The following NRG3 variants were observed in gnomAD, a reference collection of about 807,000 sequenced individuals.
The protein encoded by NRG3 is pro-neuregulin-3, membrane-bound isoform.
In NRG3, 31 loss-of-function variants were observed where a neutral mutation model predicts 66.9. That is an observed-to-expected ratio of 0.46 (90% CI 0.35 to 0.63). The LOEUF (loss-of-function observed/expected upper bound fraction) is 0.63. NRG3 is among the 20% of genes least tolerant of loss of function. The pLI is 0.00. For synonymous variants in NRG3, 393 were observed against 359.4 expected (o/e 1.09, Z -1.06); for missense variants, 910 against 878.9 (o/e 1.04, Z -0.45).
chr10:82,477,623 TG>T (rs1311330900), intron 2 of NRG3, among the ~76,000 whole-genome samples: 1 of 152,188 alleles, frequency 6.6e-6, no homozygotes, highest in Non-Finnish European at 1.5e-5. Context: ...TGGCATTTAC[TG>T]GGCCTTGTGG....
At chr10:82,700,636 TC>T (rs2134285368) in intron 2 of NRG3, among the ~76,000 whole-genome samples, 1 of 152,240 alleles carries the variant, frequency 6.6e-6, no homozygotes, top group East Asian at 1.9e-4. Context: ...GAGAATCATT[TC>T]TTTTTTTTAA....
intron 4 of NRG3, among the ~76,000 whole-genome samples, chr10:82,919,948 G>C (rs1184903529): frequency 2.0e-5 from 3 of 151,700 alleles, no homozygotes; most frequent in Non-Finnish European, 4.4e-5. Context: ...ATAGGAACTA[G>C]AGCCAAAGAT....
chr10:82,148,585 A>G (rs557699996), intron 1 of NRG3, among the ~76,000 whole-genome samples: 1 of 152,166 alleles, frequency 6.6e-6, no homozygotes, highest in South Asian at 2.1e-4. Context: ...GTGCATCAAA[A>G]TCACCTGGAG....
intron 2 of NRG3, among the ~76,000 whole-genome samples, chr10:82,489,330 T>G (rs571644905): frequency 5.5e-4 from 84 of 152,282 alleles, no homozygotes; most frequent in African/African-American, 2.0e-3. Context: ...CAGGGAACAG[T>G]TAGCAATCTT....
chr10:82,894,703 T>C (rs1184623739), intron 4 of NRG3, among the ~76,000 whole-genome samples: 1 of 152,182 alleles, frequency 6.6e-6, no homozygotes, highest in East Asian at 1.9e-4. Context: ...TTGGCACAAC[T>C]ATCAGGCTCC....
intron 1 of NRG3, among the ~76,000 whole-genome samples, chr10:81,959,961 G>A (rs7099269): frequency 0.1 from 15,233 of 151,276 alleles, 1,210 homozygotes; most frequent in African/African-American, 0.22. Flanking sequence ...CACTAATTTG[G>A]AATTCTAATT....
chr10:82,493,847 A>G (rs1484673365), intron 2 of NRG3, among the ~76,000 whole-genome samples: 1 of 151,480 alleles, frequency 6.6e-6, no homozygotes, highest in Non-Finnish European at 1.5e-5. Context: ...CATTCTATTC[A>G]TCTGACAAAC....
intron 2 of NRG3, among the ~76,000 whole-genome samples, chr10:82,736,251 G>T (rs2058148147): frequency 6.6e-6 from 1 of 152,162 alleles, no homozygotes; most frequent in Non-Finnish European, 1.5e-5. Flanking sequence ...CACTAGAAGT[G>T]CATTGAAAAC....
intron 1 of NRG3, among the ~76,000 whole-genome samples, chr10:81,876,525 A>C (rs1003706946): frequency 1.8e-4 from 27 of 152,320 alleles, no homozygotes; most frequent in Middle Eastern, 3.4e-3. Flanking sequence ...GTAGAGGGCC[A>C]GGGAGGGAGA....
intron 1 of NRG3, among the ~76,000 whole-genome samples, chr10:82,038,317 G>A (rs1461278882): frequency 6.6e-6 from 1 of 152,072 alleles, no homozygotes; most frequent in African/African-American, 2.4e-5. Context: ...CATGTTAATA[G>A]TACCAACTGT....
chr10:82,493,362 T>C (rs865776786), intron 2 of NRG3, among the ~76,000 whole-genome samples: 1 of 152,164 alleles, frequency 6.6e-6, no homozygotes, highest in Non-Finnish European at 1.5e-5. Context: ...CTCCTACTTA[T>C]AAGTGAGGAC....
In NRG3 at chr10:81,922,417, C is replaced by T. The variant is rs140500621; in HGVS notation, c.823+46254C>T. Among the ~76,000 whole-genome samples, 97 of 152,254 alleles carry T rather than the reference C, an allele frequency of 6.4e-4. 1 individual carries two copies. Among genetic ancestry groups the T allele is most frequent in the Admixed American group, 2.6e-3 (39 of 15,292 alleles). Reference sequence around the variant, plus strand: ...CATTCCTTACACCCTCACATCCTTCCACCCTTCCAAGTTTCTAATGTCTAT... The same window carrying T: ...CATTCCTTACACCCTCACATCCTTCTACCCTTCCAAGTTTCTAATGTCTAT... On this transcript the variant is annotated intron_variant, in intron 1 of 8. Transcript: ENST00000372141.
chr10:82,126,610 G>T (rs748379043), intron 1 of NRG3, among the ~76,000 whole-genome samples: 23 of 152,038 alleles, frequency 1.5e-4, no homozygotes, highest in Non-Finnish European at 2.9e-4. Context: ...ATTCCTTGAT[G>T]CCAGAAAGAC....
At chr10:82,660,783 T>C (rs1040281739) in intron 2 of NRG3, among the ~76,000 whole-genome samples, 3 of 152,204 alleles carry the variant, frequency 2.0e-5, no homozygotes, top group African/African-American at 7.2e-5. Flanking sequence ...TATATTTTGC[T>C]TACGGTTCAC....
At chr10:82,362,556 T>TTTTTTTTTTTTTTTTTTTTC (rs2084248279) in intron 2 of NRG3, among the ~76,000 whole-genome samples, 1 of 141,756 alleles carries the variant, frequency 7.1e-6, no homozygotes, top group Non-Finnish European at 1.5e-5. Flanking sequence ...GGGTTTTTTT[T>TTTTTTTTTTTTTTTTTTTTC]TTTTTTTTTT....
chr10:82,459,517 C>T (rs1276851857), intron 2 of NRG3, among the ~76,000 whole-genome samples: 1 of 152,204 alleles, frequency 6.6e-6, no homozygotes, highest in East Asian at 1.9e-4. Context: ...TCCCTGACCT[C>T]ATTCAGAAGT....
chr10:82,961,026 C>T (rs1338892612), intron 6 of NRG3, among the ~76,000 whole-genome samples: 1 of 152,114 alleles, frequency 6.6e-6, no homozygotes, highest in East Asian at 1.9e-4. Context: ...CAAGAGTCAA[C>T]CAAAATACTG....
chr10:82,336,463 C>T lies in NRG3; in HGVS notation c.824-22276C>T, dbSNP rs186858977. Among the ~76,000 whole-genome samples, 11 of 151,798 alleles carry T rather than the reference C, an allele frequency of 7.2e-5. No individual in the cohort carries two copies. In the East Asian group the frequency reaches 1.2e-3, roughly 16 times the overall value. On this transcript the variant is annotated intron_variant, in intron 1 of 8. Transcript: ENST00000372141. ...AAATTGGAATTTCTGTTAAAAATTC[C>T]GAATTTTCTCAGCAATAACTTTCAA...
intron 3 of NRG3, among the ~76,000 whole-genome samples, chr10:82,763,242 G>T (rs2059395103): frequency 6.6e-6 from 1 of 152,180 alleles, no homozygotes; most frequent in Non-Finnish European, 1.5e-5. Flanking sequence ...CACTCAGCAT[G>T]AGGATGTCAA....
Sources: allele counts gnomAD v4.1 joint callset (sites outside exome capture counted in the v4.1 genomes callset), GRCh38; gene constraint gnomAD v4.1.1; transcripts MANE v1.5; gene names NCBI Gene and HGNC (gene_info 2026-07-23, HGNC 2026-07-21).